Variants in CDC25A observed in about 807,000 individuals in gnomAD.
CDC25A encodes cell division cycle 25A.
Under a neutral mutation model 64.6 loss-of-function variants are expected in CDC25A, and 17 were observed. The ratio of observed to expected loss-of-function variants is 0.26; its 90% CI spans 0.18 to 0.39. The LOEUF (loss-of-function observed/expected upper bound fraction) is 0.39, where lower values mean the gene tolerates loss of function less well. CDC25A is among the 10% of genes least tolerant of loss of function. CDC25A has a pLI of 1.00. For synonymous variants in CDC25A, 229 were observed against 238.6 expected, an observed-to-expected ratio of 0.96 and a Z score of 0.37; for missense variants, 473 against 654.8, an observed-to-expected ratio of 0.72 and a Z score of 3.03.
chr3:48,177,395 A>G lies in CDC25A; in HGVS notation c.732T>C (p.Pro244=), dbSNP rs1340364085. The G allele has an allele frequency of 1.9e-6, 3 of 1,613,976 alleles. No homozygotes were observed. The highest frequency in any genetic ancestry group is 2.5e-6 in the Non-Finnish European group (3 of 1,179,832). ...PSCMASLWTA[P]LVMRTTNLDN... is the part of the protein sequence containing the mutation. ...CAAGGTTTGTAGTTCTCATGACGAG[A>G]GGAGCTGTCCAGAGGCTTGCCATGC... Residue 244 remains proline (P), a synonymous_variant, in exon 8 of 15, where the codon CCT becomes CCC. Coordinates refer to ENST00000302506, the MANE Select transcript of CDC25A (RefSeq NM_001789.3).
chr3:48,164,901 A>G (rs2031938161), intron 12 of CDC25A, among the ~76,000 whole-genome samples: 1 of 151,224 alleles, frequency 6.6e-6, no homozygotes, highest in Admixed American at 6.6e-5. Context: ...TGAGCTCAGG[A>G]GTTTGAGACC....
intron 9 of CDC25A, among the ~76,000 whole-genome samples, chr3:48,172,526 T>A (rs527841571): frequency 2.6e-5 from 4 of 151,716 alleles, no homozygotes; most frequent in Non-Finnish European, 5.9e-5. Context: ...ATAGAAAAAA[T>A]AACACAAAGG....
In CDC25A at chr3:48,165,687, A is replaced by G. The variant is rs2031985969; in HGVS notation, c.1140T>C (p.Phe380=). The G allele has an allele frequency of 1.9e-6, 3 of 1,614,156 alleles. No individual in the cohort carries two copies. The highest frequency in any genetic ancestry group is 2.5e-6 in the Non-Finnish European group (3 of 1,179,988). ...ATGGGTATCGACAGTCGATGATAAC[A>G]AACTCTTTAATGAGGTTGGCAAACT... is the stretch of plus-strand genomic sequence containing the variant. ...NGKFANLIKE[F]VIIDCRYPYE... The change falls in exon 12 of 15, where the codon TTT becomes TTC. Residue 380 remains phenylalanine, a synonymous_variant. Transcript: ENST00000302506.
In CDC25A at chr3:48,178,584, A is replaced by G. The variant is rs1403727164; in HGVS notation, c.550-596T>C. 2.0e-5 allele frequency among the ~76,000 whole-genome samples: 3 copies of G among 152,344 alleles called. No individual in the cohort carries two copies. In the East Asian group the frequency reaches 5.8e-4, roughly 29 times the overall value. On this transcript the variant is annotated intron_variant, in intron 6 of 14. Transcript: ENST00000302506. ...TCCAATAGAAGCCTCACAATACACT[A>G]AAGGTAGCTAATCCTTTCCTTTTTC...
rs746453844 is a variant in CDC25A, at chr3:48,186,727, C to T, written c.223G>A (p.Gly75Ser). The change falls in exon 2 of 15, where the codon GGC becomes AGC. Residue 75 changes from glycine (G) to serine (S), a missense_variant. This residue lies in a region of CDC25A where 376 missense variants were observed against 431.9 expected (regional missense o/e 0.87). Transcript: ENST00000302506. ...VKNNSNLQRMGSSESTDSGFC... is the reference protein window; with the variant it reads ...VKNNSNLQRMSSSESTDSGFC... ...CCTGAATCTGTTGACTCGGAGGAGC[C>T]CATTCTCTGCAGATTACTGTTGTTC... The T allele has an allele frequency of 2.5e-6, 4 of 1,601,366 alleles. No homozygotes were observed. The highest frequency in any genetic ancestry group is 3.4e-6 in the Non-Finnish European group (4 of 1,171,730).
At chr3:48,175,914 C>A (rs1312291257) in intron 8 of CDC25A, among the ~76,000 whole-genome samples, 1 of 152,156 alleles carries the variant, frequency 6.6e-6, no homozygotes, top group East Asian at 1.9e-4. Flanking sequence ...TGCCTGTAAT[C>A]CCAGCACTTT....
intron 9 of CDC25A, 124 bp from the exon 10 acceptor site, chr3:48,168,068 T>C (rs1209162796): frequency 2.5e-5 from 15 of 604,206 alleles, no homozygotes; most frequent in Admixed American, 2.3e-4. Context: ...GAAGTTTTTA[T>C]TTTATTTTAT....
chr3:48,168,563 GAGAA>G (rs1402785981), intron 9 of CDC25A, among the ~76,000 whole-genome samples: 1 of 150,226 alleles, frequency 6.7e-6, no homozygotes, highest in East Asian at 1.9e-4. Flanking sequence ...TCCAGAAAAA[GAGAA>G]AGAAACAAGG....
At chr3:48,164,924 A>G (rs2106697811) in intron 12 of CDC25A, among the ~76,000 whole-genome samples, 1 of 151,036 alleles carries the variant, frequency 6.6e-6, no homozygotes. Context: ...CCCGGGCAAC[A>G]TGGTGAAACC....
chr3:48,187,682 G>T, intron 1 of CDC25A, 96 bp downstream of exon 1: 2 of 1,245,502 alleles, frequency 1.6e-6, no homozygotes, highest in East Asian at 3.0e-5. Flanking sequence ...GGACGGACGG[G>T]TCTCGCCCTT....
In CDC25A at chr3:48,164,360, C is replaced by T; in HGVS notation, c.1269G>A (p.Lys423=). 2.5e-6 allele frequency: 4 copies of T among 1,602,996 alleles called. No individual in the cohort carries two copies. In the South Asian group the frequency reaches 4.5e-5, roughly 18 times the overall value. The change falls in exon 13 of 15, where the codon AAG becomes AAA. Residue 423 remains lysine, a synonymous_variant. Transcript: ENST00000302506. ...LKKPIVPTDG[K]RVIVVFHCEF... ...CGCAGTGAAACACAACAATGACACGCTTGCCATCAGTAGGTACAATGGGCT... is the reference window on the plus strand; with the variant it reads ...CGCAGTGAAACACAACAATGACACGTTTGCCATCAGTAGGTACAATGGGCT...
chr3:48,171,126 C>A (rs1039914253), intron 9 of CDC25A, among the ~76,000 whole-genome samples: 13 of 151,992 alleles, frequency 8.6e-5, no homozygotes, highest in Non-Finnish European at 1.6e-4. Flanking sequence ...AACCCCAGCA[C>A]TTTGGGAGGC....
intron 12 of CDC25A, 55 bp downstream of exon 12, chr3:48,165,581 A>T: frequency 7.8e-7 from 1 of 1,276,220 alleles, no homozygotes; most frequent in Non-Finnish European, 1.1e-6. Flanking sequence ...TCCCCACTTT[A>T]AAACCACAGA....
At chr3:48,186,569 C>CAA (rs750148404) in intron 2 of CDC25A, 134 bp downstream of exon 2, 2,650 of 381,278 alleles carry the variant, frequency 7.0e-3, no homozygotes, top group East Asian at 8.6e-3. Context: ...AACTCTGTCT[C>CAA]AAAAAAAAAA....
chr3:48,166,310 A>G (rs1559957562), intron 10 of CDC25A, among the ~76,000 whole-genome samples: 2 of 152,122 alleles, frequency 1.3e-5, no homozygotes, highest in Admixed American at 6.6e-5. Context: ...ACAAGCAAAC[A>G]AACATTAGTT....
intron 6 of CDC25A, 93 bp from the exon 7 acceptor site, chr3:48,178,081 A>G (rs2032531416): frequency 7.8e-7 from 1 of 1,287,004 alleles, no homozygotes; most frequent in African/African-American, 1.5e-5. Flanking sequence ...AAAACATACT[A>G]TGTTATACTT....
chr3:48,161,985 C>G (rs568815238), intron 13 of CDC25A, among the ~76,000 whole-genome samples: 1 of 152,014 alleles, frequency 6.6e-6, no homozygotes, highest in Non-Finnish European at 1.5e-5. Context: ...TGCTTGAACC[C>G]GGGAGGTGGA....
chr3:48,176,971 C>G (rs1441408865), intron 8 of CDC25A, among the ~76,000 whole-genome samples: 1 of 123,456 alleles, frequency 8.1e-6, no homozygotes, highest in South Asian at 2.6e-4. Flanking sequence ...GACTCCGTCT[C>G]AAAAAAAAAA....
Position 48,180,813 on chromosome 3 carries a change from T to C in CDC25A, c.457A>G (p.Arg153Gly). ...NEAFEFKKPV[R>G]PVSRGCLHSH... ...TGCAGGCAGCCACGAGATACAGGTC[T>C]TACTGGCTTCTTAAACTCAAAGGCT... Residue 153 changes from arginine to glycine, a missense_variant, in exon 6 of 15, where the codon AGA (arginine) becomes GGA (glycine). Physicochemically the swap from Arg to Gly is moderately radical, Grantham distance 125 (BLOSUM62 -2). This residue lies in a region of CDC25A where 376 missense variants were observed against 431.9 expected (regional missense o/e 0.87). Coordinates refer to ENST00000302506, the MANE Select transcript of CDC25A (RefSeq NM_001789.3). 6.2e-7 allele frequency: 1 copy of C among 1,614,082 alleles called. No individual in the cohort carries two copies. The highest frequency in any genetic ancestry group is 8.5e-7 in the Non-Finnish European group (1 of 1,179,942).
Sources: allele counts gnomAD v4.1 joint callset (sites outside exome capture counted in the v4.1 genomes callset), GRCh38; gene constraint gnomAD v4.1.1; regional missense constraint gnomAD v4.1.1; transcripts MANE v1.5; gene names NCBI Gene and HGNC (gene_info 2026-07-23, HGNC 2026-07-21).